Variants in ARHGAP35 observed in about 807,000 individuals in gnomAD.
The protein encoded by ARHGAP35 is Rho GTPase activating protein 35.
Under a neutral mutation model 111.1 loss-of-function variants are expected in ARHGAP35, and 15 were observed. That is an observed-to-expected ratio of 0.13 (90% confidence interval 0.09 to 0.21). ARHGAP35 has a LOEUF of 0.21. ARHGAP35 is among the 10% of genes least tolerant of loss of function. The probability of loss-of-function intolerance (pLI) is 1.00; values close to 1 mark genes in which losing one functional copy is unlikely to be tolerated. For missense variants in ARHGAP35, 1,262 were observed against 1,873.0 expected (o/e 0.67, Z 6.02); for synonymous variants, 643 against 710.3 (o/e 0.91, Z 1.51).
chr19:46,922,752 C>T lies in ARHGAP35; in HGVS notation c.3681+396C>T, dbSNP rs556627312. On this transcript the variant is annotated intron_variant, in intron 2 of 6. Coordinates refer to ENST00000672722, the MANE Select transcript of ARHGAP35 (RefSeq NM_004491.5). The surrounding 1 kb of genome is among the most constrained non-coding windows in gnomAD (Gnocchi z 4.0). The stretch of plus-strand genomic sequence containing the variant: ...AACATAACATTTCATCCATACATCT[C>T]TTAAATGATCCTTCCTCCCTTGCTG... 1.9e-4 allele frequency among the ~76,000 whole-genome samples: 29 copies of T among 152,342 alleles called. No homozygotes were observed. The highest frequency in any genetic ancestry group is 7.0e-4 in the African/African-American group (29 of 41,568).
At chr19:46,966,418 G>T (rs1291096573) in intron 3 of ARHGAP35, among the ~76,000 whole-genome samples, 1 of 152,120 alleles carries the variant, frequency 6.6e-6, no homozygotes, top group Non-Finnish European at 1.5e-5. Context: ...GTGTGCTGGT[G>T]CATACCTGTA....
Position 46,999,353 on chromosome 19 carries a change from G to T in ARHGAP35, c.4086G>T (p.Lys1362Asn). ...QKLHALKEVL[K>N]KFPKENHEVF... Reference sequence around the variant, plus strand: ...TGCATGCCCTTAAGGAGGTATTAAAGAAATTTCCAAAGGAAAACCACGAAG... The same window carrying T: ...TGCATGCCCTTAAGGAGGTATTAAATAAATTTCCAAAGGAAAACCACGAAG... The change falls in exon 6 of 7, where the codon AAG becomes AAT. Residue 1362 changes from lysine to asparagine, a missense_variant. Lys to Asn is a moderately conservative substitution (Grantham distance 94). Coordinates refer to ENST00000672722, the MANE Select transcript of ARHGAP35 (RefSeq NM_004491.5). This position sits in a 1 kb window ranked among gnomAD's most constrained non-coding sequence, Gnocchi z 5.4. 9.4e-6 allele frequency: 15 copies of T among 1,596,564 alleles called. No individual in the cohort carries two copies. Among genetic ancestry groups the T allele is most frequent in the Non-Finnish European group, 1.3e-5 (15 of 1,171,638 alleles).
At position 46,921,022 on chromosome 19, in the gene ARHGAP35, C is replaced by T; in HGVS notation, c.2347C>T (p.Arg783Ter). ...CAAAGATTTGGCTGATGTTGATCTG[C>T]GAATTGTTATGTGTCTGATGTGTGG... ...SIKDLADVDL[R>*]IVMCLMCGDP... Residue 783 changes from arginine (R) to a stop codon, truncating the protein, a stop_gained, in exon 2 of 7, where the codon CGA becomes TGA. Coordinates refer to ENST00000672722, the MANE Select transcript of ARHGAP35 (RefSeq NM_004491.5). LOFTEE classifies it high-confidence loss of function. The surrounding 1 kb of genome is among the most constrained non-coding windows in gnomAD (Gnocchi z 4.3). 6.2e-7 allele frequency: 1 copy of T among 1,613,974 alleles called. No homozygotes were observed. Among genetic ancestry groups the T allele is most frequent in the Non-Finnish European group, 8.5e-7 (1 of 1,179,886 alleles).
intron 1 of ARHGAP35, among the ~76,000 whole-genome samples, chr19:46,912,095 G>A (rs2056140304): frequency 6.6e-6 from 1 of 150,440 alleles, no homozygotes; most frequent in Non-Finnish European, 1.5e-5. Flanking sequence ...CCAGGCTGGA[G>A]TGCAGTGGCA....
intron 3 of ARHGAP35, among the ~76,000 whole-genome samples, chr19:46,976,073 T>C (rs959392912): frequency 5.3e-5 from 8 of 152,194 alleles, no homozygotes; most frequent in African/African-American, 1.9e-4. Flanking sequence ...TGCTAAAATA[T>C]GAGGTATACT....
At chr19:46,898,018 C>T (rs1377744786) in intron 1 of ARHGAP35, among the ~76,000 whole-genome samples, 3 of 151,978 alleles carry the variant, frequency 2.0e-5, no homozygotes, top group Admixed American at 6.6e-5. Flanking sequence ...TTTTGGAGGC[C>T]GAGGTAGGTG....
chr19:46,862,824 C>T (rs976166452), intron 1 of ARHGAP35, among the ~76,000 whole-genome samples: 1 of 151,926 alleles, frequency 6.6e-6, no homozygotes, highest in East Asian at 1.9e-4. Flanking sequence ...TTGATTCAGC[C>T]CTCACCCTTC....
intron 1 of ARHGAP35, among the ~76,000 whole-genome samples, chr19:46,896,820 A>T (rs2056059312): frequency 6.6e-6 from 1 of 152,154 alleles, no homozygotes; most frequent in African/African-American, 2.4e-5. Context: ...ATGATTTCCT[A>T]TGGTAAGGTT....
At chr19:46,917,483 C>G (rs1488544418) in intron 1 of ARHGAP35, among the ~76,000 whole-genome samples, 1 of 152,062 alleles carries the variant, frequency 6.6e-6, no homozygotes, top group Non-Finnish European at 1.5e-5. Context: ...TGGCGCATGC[C>G]TGTAATCCCA....
intron 1 of ARHGAP35, among the ~76,000 whole-genome samples, chr19:46,912,661 C>A (rs2056143873): frequency 6.6e-6 from 1 of 152,150 alleles, no homozygotes; most frequent in Non-Finnish European, 1.5e-5. Context: ...TGGTCGTGTT[C>A]TCTTCTTATT....
chr19:46,889,970 A>G (rs111469021), intron 1 of ARHGAP35, among the ~76,000 whole-genome samples: 33 of 152,160 alleles, frequency 2.2e-4, no homozygotes, highest in African/African-American at 7.7e-4. Flanking sequence ...GGGTTGGGTC[A>G]GGGGTGTCTA....
rs1351030305 is a variant in ARHGAP35 at position 46,921,055 on chromosome 19, T to C, written c.2380T>C (p.Phe794Leu). ...TATGTGTCTGATGTGTGGAGATCCT[T>C]TTAGTGCAGATGACATACTTTTTCC... The part of the protein sequence containing the change: ...IVMCLMCGDP[F>L]SADDILFPVL... Residue 794 changes from phenylalanine to leucine, a missense_variant, in exon 2 of 7, where the codon TTT becomes CTT. Transcript: ENST00000672722. This position sits in a 1 kb window ranked among gnomAD's most constrained non-coding sequence, Gnocchi z 4.3. The C allele has an allele frequency of 6.8e-6, 11 of 1,613,864 alleles. No individual in the cohort carries two copies. Among genetic ancestry groups the C allele is most frequent in the Non-Finnish European group, 9.3e-6 (11 of 1,179,882 alleles).
intron 3 of ARHGAP35, among the ~76,000 whole-genome samples, chr19:46,983,586 G>T (rs2056632570): frequency 7.0e-6 from 1 of 143,864 alleles, no homozygotes; most frequent in Admixed American, 7.0e-5. Flanking sequence ...GAGAATATTT[G>T]CCATTCTGTA....
chr19:46,942,292 T>A (rs1007971338), intron 3 of ARHGAP35, among the ~76,000 whole-genome samples: 5 of 152,170 alleles, frequency 3.3e-5, no homozygotes, highest in African/African-American at 7.2e-5. Context: ...TAATTCAGAG[T>A]ATGAGGTAAG....
intron 3 of ARHGAP35, chr19:46,946,703 G>A (rs914742804): frequency 3.3e-5 from 5 of 151,846 alleles, no homozygotes; most frequent in Non-Finnish European, 7.3e-5. Flanking sequence ...GCCTGGCTTG[G>A]TTTTTTTGTT....
chr19:46,907,474 C>T (rs1461522853), intron 1 of ARHGAP35, among the ~76,000 whole-genome samples: 26 of 113,410 alleles, frequency 2.3e-4, no homozygotes, highest in African/African-American at 8.7e-4. Flanking sequence ...TTCTTAGCTT[C>T]TTTTTTTGTT....
Position 46,999,680 on chromosome 19 carries a change from C to T in ARHGAP35, c.4142+271C>T, listed in dbSNP as rs868487862. 3.1e-5 allele frequency: 14 copies of T among 450,148 alleles called. No individual in the cohort carries two copies. The highest frequency in any genetic ancestry group is 4.8e-5 in the Non-Finnish European group (12 of 251,186). 27.9% of individuals were successfully genotyped at this position (450,148 alleles called of 1,614,324 possible). On this transcript the variant is annotated intron_variant, in intron 6 of 6. Coordinates refer to ENST00000672722, the MANE Select transcript of ARHGAP35 (RefSeq NM_004491.5). The surrounding 1 kb of genome is among the most constrained non-coding windows in gnomAD (Gnocchi z 5.4). Reference sequence around the variant, plus strand: ...CACCAGATAGGGCACTTAGCTCCAGCGGGCATGGGGCCTCTTGTAGGCCTG... The same window carrying T: ...CACCAGATAGGGCACTTAGCTCCAGTGGGCATGGGGCCTCTTGTAGGCCTG...
intron 3 of ARHGAP35, among the ~76,000 whole-genome samples, chr19:46,983,738 C>G (rs911610292): frequency 6.6e-6 from 1 of 151,618 alleles, no homozygotes; most frequent in Non-Finnish European, 1.5e-5. Context: ...CTCAGCCTCC[C>G]GAGTAGCTGG....
Position 46,919,865 on chromosome 19 carries a change from T to C in ARHGAP35, c.1190T>C (p.Met397Thr). The C allele has an allele frequency of 3.7e-6, 6 of 1,613,984 alleles. No homozygotes were observed. The highest frequency in any genetic ancestry group is 5.1e-6 in the Non-Finnish European group (6 of 1,179,890). Reference protein sequence around the residue: ...PWDATSHIDNMENERIPFDLM... With the variant: ...PWDATSHIDNTENERIPFDLM... ...GATGCCACCAGTCACATTGACAACATGGAAAACGAACGGATTCCCTTTGAT... is the reference window on the plus strand; with the variant it reads ...GATGCCACCAGTCACATTGACAACACGGAAAACGAACGGATTCCCTTTGAT... The change falls in exon 2 of 7, where the codon ATG (methionine) becomes ACG (threonine). Residue 397 changes from methionine (M) to threonine (T), a missense_variant. Physicochemically the swap from Met to Thr is moderately conservative, Grantham distance 81. Around this residue, in one of 8 missense-constraint regions of ARHGAP35, gnomAD observed 328 missense variants for 440.8 expected, o/e 0.74. Coordinates refer to ENST00000672722, the MANE Select transcript of ARHGAP35 (RefSeq NM_004491.5). This position sits in a 1 kb window ranked among gnomAD's most constrained non-coding sequence, Gnocchi z 6.2.
Sources: allele counts gnomAD v4.1 joint callset (sites outside exome capture counted in the v4.1 genomes callset), GRCh38; gene constraint gnomAD v4.1.1; regional missense constraint gnomAD v4.1.1; non-coding constraint Gnocchi (gnomAD v3.1); transcripts MANE v1.5; gene names NCBI Gene and HGNC (gene_info 2026-07-23, HGNC 2026-07-21).